The following TRIP12 variants were observed in gnomAD, a reference collection of about 807,000 sequenced individuals.
TRIP12 encodes E3 ubiquitin-protein ligase TRIP12.
TRIP12 carries 25 observed loss-of-function variants against 244.2 expected under a neutral mutation model. The observed-to-expected ratio is 0.10, with a 90% CI of 0.07 to 0.14. The LOEUF is 0.14. Ranked by LOEUF, TRIP12 falls within the 10% of genes least tolerant of loss-of-function variation. The pLI, the probability that TRIP12 is intolerant of heterozygous loss-of-function variation, is 1.00. For synonymous variants in TRIP12, 905 were observed against 873.1 expected (o/e 1.04, Z -0.64); for missense variants, 1,677 against 2,486.4 (o/e 0.67, Z 6.92).
intron 6 of TRIP12, among the ~76,000 whole-genome samples, chr2:229,831,512 C>A (rs1575639046): frequency 6.6e-6 from 1 of 152,264 alleles, no homozygotes; most frequent in Admixed American, 6.5e-5. Flanking sequence ...GTAGTCCCAG[C>A]TACTGAGTTG....
chr2:229,823,484 C>G (rs993561222), intron 8 of TRIP12, among the ~76,000 whole-genome samples: 1 of 151,738 alleles, frequency 6.6e-6, no homozygotes. Context: ...ACCATCCTGG[C>G]TAACACGGTG....
chr2:229,877,761 C>A (rs993877948), intron 2 of TRIP12, among the ~76,000 whole-genome samples: 11 of 152,148 alleles, frequency 7.2e-5, no homozygotes, highest in Non-Finnish European at 1.2e-4. Context: ...TACATCTACA[C>A]GCAGTTTTTT....
At chr2:229,875,034 C>A (rs1576469534) in intron 2 of TRIP12, among the ~76,000 whole-genome samples, 1 of 152,014 alleles carries the variant, frequency 6.6e-6, no homozygotes, top group East Asian at 1.9e-4. Flanking sequence ...TCCCTGAGAG[C>A]AAGTCAACAG....
chr2:229,865,249 G>A (rs2061302316), intron 2 of TRIP12, among the ~76,000 whole-genome samples: 1 of 148,012 alleles, frequency 6.8e-6, no homozygotes, highest in African/African-American at 2.5e-5. Flanking sequence ...GCAGGTCAAA[G>A]CTGCAGTGAG....
intron 7 of TRIP12, among the ~76,000 whole-genome samples, chr2:229,829,689 C>T (rs1246273034): frequency 6.6e-6 from 1 of 152,170 alleles, no homozygotes; most frequent in Non-Finnish European, 1.5e-5. Context: ...TGGCTCACAC[C>T]TGTAATCCCA....
Position 229,789,681 on chromosome 2 carries a change from G to A in TRIP12, c.4625C>T (p.Pro1542Leu), listed in dbSNP as rs772002113. Residue 1542 changes from proline (P) to leucine (L), a missense_variant, in exon 31 of 42, where the codon CCG becomes CTG. Physicochemically the swap from Pro to Leu is moderately conservative, Grantham distance 98. Around this residue, in one of 11 missense-constraint regions of TRIP12, gnomAD observed 265 missense variants for 370.8 expected, o/e 0.71. Transcript: ENST00000675903. ...TAAAAGAAGGATCACATCTAATGAC[G>A]GGTCTTCAAATGTTATATTTTCAGG... The part of the protein sequence containing the change: ...TPPENITFED[P>L]SLDVILLLRV... 9 of 1,613,834 alleles carry A rather than the reference G, an allele frequency of 5.6e-6. No individual in the cohort carries two copies. The highest frequency in any genetic ancestry group is 6.8e-6 in the Non-Finnish European group (8 of 1,179,966).
chr2:229,887,528 G>C (rs911190303), intron 1 of TRIP12, among the ~76,000 whole-genome samples: 5 of 152,084 alleles, frequency 3.3e-5, no homozygotes, highest in African/African-American at 9.7e-5. Flanking sequence ...CAGATCTAAG[G>C]GTAGATGAGG....
At chr2:229,845,332 A>G (rs2057353545) in intron 4 of TRIP12, among the ~76,000 whole-genome samples, 1 of 152,224 alleles carries the variant, frequency 6.6e-6, no homozygotes, top group African/African-American at 2.4e-5. Context: ...TTTAGTCTAG[A>G]GCAGGTGTTG....
intron 1 of TRIP12, among the ~76,000 whole-genome samples, chr2:229,913,573 T>C (rs2074755927): frequency 6.6e-6 from 1 of 152,242 alleles, no homozygotes; most frequent in Non-Finnish European, 1.5e-5. Flanking sequence ...ATTCCTTAAG[T>C]AGCTGATTTT....
chr2:229,782,731 T>C (rs1201587894), intron 34 of TRIP12, among the ~76,000 whole-genome samples: 1 of 152,216 alleles, frequency 6.6e-6, no homozygotes, highest in Non-Finnish European at 1.5e-5. Flanking sequence ...ATTACTTAAA[T>C]AGGCACAGGT....
Position 229,798,957 on chromosome 2 carries a change from T to A in TRIP12, c.3400A>T (p.Ser1134Cys). 2.5e-6 allele frequency: 4 copies of A among 1,614,268 alleles called. No individual in the cohort carries two copies. Among genetic ancestry groups the A allele is most frequent in the Non-Finnish European group, 3.4e-6 (4 of 1,180,054 alleles). The change falls in exon 23 of 42, where the codon AGC (serine) becomes TGC (cysteine). Residue 1134 changes from serine to cysteine, a missense_variant. Coordinates refer to ENST00000675903, the MANE Select transcript of TRIP12 (RefSeq NM_001348323.3). ...GTCCGTGCTGGCTCAATGTTGTTGC[T>A]GTTGGACTGTGTACTTAACCTTCCC... ...TWGRLSTQSN[S>C]NNIEPARTAG...
chr2:229,795,280 A>T lies in TRIP12; in HGVS notation c.3867T>A (p.Pro1289=). The change falls in exon 26 of 42, where the codon CCT becomes CCA. Residue 1289 remains proline (P), a synonymous_variant. Coordinates refer to ENST00000675903, the MANE Select transcript of TRIP12 (RefSeq NM_001348323.3). ...IGRVEPVGNA[P]LLALVHKMNN... ...TCATCTTGTGAACTAATGCCAACAAAGGTGCATTACCCACTGGTTCCACTC... is the reference window on the plus strand; with the variant it reads ...TCATCTTGTGAACTAATGCCAACAATGGTGCATTACCCACTGGTTCCACTC... The T allele has an allele frequency of 6.2e-7, 1 of 1,614,086 alleles. No homozygotes were observed.
At chr2:229,817,205 T>C (rs2048719063) in intron 9 of TRIP12, among the ~76,000 whole-genome samples, 1 of 152,254 alleles carries the variant, frequency 6.6e-6, no homozygotes, top group Non-Finnish European at 1.5e-5. Context: ...CAATATGATG[T>C]ATAAATCATA....
At chr2:229,867,507 A>G (rs2061774581) in intron 2 of TRIP12, among the ~76,000 whole-genome samples, 1 of 152,036 alleles carries the variant, frequency 6.6e-6, no homozygotes, top group South Asian at 2.1e-4. Flanking sequence ...TATGAGAAAA[A>G]GGGAGGAAAA....
At chr2:229,857,904 G>C (rs1385989186) in intron 4 of TRIP12, among the ~76,000 whole-genome samples, 5 of 152,216 alleles carry the variant, frequency 3.3e-5, no homozygotes, top group South Asian at 2.1e-4. Flanking sequence ...TTAGGACACA[G>C]AGTAGTGTAT....
chr2:229,795,872 TG>T (rs2042687562), intron 25 of TRIP12, among the ~76,000 whole-genome samples: 2 of 152,368 alleles, frequency 1.3e-5, no homozygotes, highest in African/African-American at 4.8e-5. Flanking sequence ...TGCTTTAGGT[TG>T]ACTCACAAGT....
chr2:229,847,664 A>G (rs1404620947), intron 4 of TRIP12, among the ~76,000 whole-genome samples: 2 of 152,220 alleles, frequency 1.3e-5, no homozygotes, highest in African/African-American at 4.8e-5. Context: ...AACTGACACC[A>G]GAGAAACCCA....
intron 15 of TRIP12, 65 bp downstream of exon 15, chr2:229,810,815 G>C: frequency 2.6e-6 from 4 of 1,525,480 alleles, no homozygotes; most frequent in South Asian, 2.4e-5. Flanking sequence ...GGCTTATGTT[G>C]ACTTTACATA....
intron 41 of TRIP12, 33 bp from the exon 42 acceptor site, chr2:229,767,783 A>C (rs1574633384): frequency 2.5e-6 from 4 of 1,581,722 alleles, no homozygotes; most frequent in Admixed American, 1.9e-5. Flanking sequence ...CAAGGAACTT[A>C]AGTTTTTAAA....
Sources: allele counts gnomAD v4.1 joint callset (sites outside exome capture counted in the v4.1 genomes callset), GRCh38; gene constraint gnomAD v4.1.1; regional missense constraint gnomAD v4.1.1; transcripts MANE v1.5; gene names NCBI Gene and HGNC (gene_info 2026-07-23, HGNC 2026-07-21).